The following SNTG1 variants were observed in gnomAD, a reference collection of about 807,000 sequenced individuals.
SNTG1 encodes gamma-1-syntrophin.
In SNTG1, 39 loss-of-function variants were observed where a neutral mutation model predicts 74.7. The observed-to-expected ratio is 0.52, with a 90% CI of 0.40 to 0.68. The LOEUF (loss-of-function observed/expected upper bound fraction) is 0.68, where lower values mean the gene tolerates loss of function less well. SNTG1 is among the 30% of genes least tolerant of loss of function. The probability of loss-of-function intolerance (pLI) is 0.00; values close to 1 mark genes in which losing one functional copy is unlikely to be tolerated. For synonymous variants in SNTG1, 254 were observed against 217.1 expected (o/e 1.17, Z -1.49); for missense variants, 685 against 609.5 (o/e 1.12, Z -1.30).
intron 11 of SNTG1, among the ~76,000 whole-genome samples, chr8:50,544,147 C>G (rs907743207): frequency 6.6e-6 from 1 of 151,926 alleles, no homozygotes; most frequent in African/African-American, 2.4e-5. Flanking sequence ...TTAATATTCT[C>G]TCTATTCAAT....
chr8:50,364,814 A>C (rs2092061867), intron 2 of SNTG1, among the ~76,000 whole-genome samples: 1 of 152,070 alleles, frequency 6.6e-6, no homozygotes. Context: ...TTATTGCAGT[A>C]ATCATTTAAA....
chr8:50,593,717 CTTTT>C (rs1183759564), intron 13 of SNTG1, among the ~76,000 whole-genome samples: 1 of 136,058 alleles, frequency 7.3e-6, no homozygotes. Flanking sequence ...TGATTTGGTT[CTTTT>C]TTTTTTTTTT....
At chr8:50,647,512 G>T (rs2095117214) in intron 13 of SNTG1, among the ~76,000 whole-genome samples, 1 of 151,780 alleles carries the variant, frequency 6.6e-6, no homozygotes, top group South Asian at 2.1e-4. Flanking sequence ...TCATTCTGTT[G>T]GGGTATTTTG....
At chr8:50,759,319 T>C (rs563456475) in intron 18 of SNTG1, among the ~76,000 whole-genome samples, 1 of 152,238 alleles carries the variant, frequency 6.6e-6, no homozygotes, top group African/African-American at 2.4e-5. Context: ...TTTAACGAGA[T>C]CTCGTTTGTC....
intron 18 of SNTG1, among the ~76,000 whole-genome samples, chr8:50,782,016 A>G (rs895348883): frequency 2.0e-5 from 3 of 152,176 alleles, no homozygotes; most frequent in African/African-American, 4.8e-5. Flanking sequence ...TTTCTTTAAG[A>G]ATGTTGAATA....
At chr8:50,549,707 A>C (rs1184639858) in intron 11 of SNTG1, among the ~76,000 whole-genome samples, 24 of 152,116 alleles carry the variant, frequency 1.6e-4, no homozygotes, top group Admixed American at 1.6e-3. Flanking sequence ...AATGTGCCAG[A>C]CAACCCACAT....
intron 1 of SNTG1, among the ~76,000 whole-genome samples, chr8:50,010,417 T>C (rs1815665164): frequency 6.6e-6 from 1 of 152,124 alleles, no homozygotes; most frequent in Non-Finnish European, 1.5e-5. Context: ...AACAATGAGA[T>C]GCAATTAATT....
intron 11 of SNTG1, among the ~76,000 whole-genome samples, chr8:50,544,429 T>A (rs1433724192): frequency 6.6e-6 from 1 of 152,118 alleles, no homozygotes; most frequent in Non-Finnish European, 1.5e-5. Context: ...CATTTCTTTC[T>A]TTTGGTTCTA....
chr8:50,540,124 T>C (rs1279819034), intron 11 of SNTG1, among the ~76,000 whole-genome samples: 1 of 152,168 alleles, frequency 6.6e-6, no homozygotes, highest in African/African-American at 2.4e-5. Context: ...ATGTGTGAAG[T>C]TCTTTAGTTG....
At chr8:50,398,323 C>T (rs1348856327) in intron 3 of SNTG1, among the ~76,000 whole-genome samples, 2 of 152,222 alleles carry the variant, frequency 1.3e-5, no homozygotes, top group African/African-American at 4.8e-5. Context: ...ACGCCTGGTC[C>T]TCTCCAGACA....
At chr8:50,398,397 T>A (rs960293072) in intron 3 of SNTG1, among the ~76,000 whole-genome samples, 2 of 152,214 alleles carry the variant, frequency 1.3e-5, no homozygotes, top group Non-Finnish European at 1.5e-5. Flanking sequence ...TTCATTTTCT[T>A]GCATCATCAC....
At chr8:50,082,814 A>G (rs998150776) in intron 1 of SNTG1, among the ~76,000 whole-genome samples, 2 of 152,166 alleles carry the variant, frequency 1.3e-5, no homozygotes, top group African/African-American at 2.4e-5. Flanking sequence ...AGTGACTCCC[A>G]TCAATCAGGG....
chr8:50,715,052 G>A (rs1034313070), intron 17 of SNTG1, among the ~76,000 whole-genome samples: 1 of 152,096 alleles, frequency 6.6e-6, no homozygotes, highest in Admixed American at 6.6e-5. Context: ...AAGTTTGAAA[G>A]TTATTCTTTA....
chr8:50,382,734 C>T lies in SNTG1; in HGVS notation c.-27-11478C>T, dbSNP rs550018003. ...AATAAAATCTCAGTGGCATACACAA[C>T]TGTATCAGTCAGGATTCTCCGGACC... On this transcript the variant is annotated intron_variant, in intron 2 of 18. Coordinates refer to ENST00000642720, the MANE Select transcript of SNTG1 (RefSeq NM_018967.5). Among the ~76,000 whole-genome samples the T allele has an allele frequency of 3.9e-5, 6 of 152,268 alleles. No homozygotes were observed. The South Asian group carries it at 1.2e-3, about 32-fold the overall frequency.
chr8:50,273,650 A>G (rs902707156), intron 2 of SNTG1, among the ~76,000 whole-genome samples: 4 of 152,224 alleles, frequency 2.6e-5, no homozygotes, highest in African/African-American at 9.6e-5. Flanking sequence ...TGATCAGTGT[A>G]GGCCTCCTGG....
At chr8:50,442,519 C>T (rs954369131) in intron 5 of SNTG1, among the ~76,000 whole-genome samples, 3 of 151,952 alleles carry the variant, frequency 2.0e-5, no homozygotes, top group African/African-American at 4.8e-5. Context: ...TCTCAGGTTG[C>T]CTTTCAGAGG....
intron 17 of SNTG1, among the ~76,000 whole-genome samples, chr8:50,735,666 T>C (rs527555431): frequency 6.6e-6 from 1 of 151,928 alleles, no homozygotes; most frequent in South Asian, 2.1e-4. Flanking sequence ...CAGAAAGTGA[T>C]GGAGAGAATG....
At chr8:50,276,932 C>T (rs1425480872) in intron 2 of SNTG1, among the ~76,000 whole-genome samples, 1 of 151,910 alleles carries the variant, frequency 6.6e-6, no homozygotes, top group Non-Finnish European at 1.5e-5. Context: ...CCGCCTCCCA[C>T]CATTCTCCTG....
intron 2 of SNTG1, among the ~76,000 whole-genome samples, chr8:50,391,195 T>G (rs1227054525): frequency 6.6e-6 from 1 of 152,196 alleles, no homozygotes; most frequent in Non-Finnish European, 1.5e-5. Context: ...CAGTATGATA[T>G]TGGCTGTGGT....
Sources: gnomAD v4.1 joint callset for allele counts (sites outside exome capture counted in the v4.1 genomes callset) on GRCh38, gnomAD v4.1.1 for gene constraint, MANE v1.5 for transcripts, NCBI Gene and HGNC (gene_info 2026-07-23, HGNC 2026-07-21) for gene names.